Variants in PDE4D observed in about 807,000 individuals in gnomAD.
The protein encoded by PDE4D is phosphodiesterase 4D.
In PDE4D, 24 loss-of-function variants were observed where a neutral mutation model predicts 87.4. The observed-to-expected ratio is 0.27, with a 90% CI of 0.20 to 0.39. PDE4D has a LOEUF of 0.39. Among genes scored for constraint, PDE4D ranks in the 10% least tolerant of loss-of-function variants. PDE4D has a pLI of 1.00. For synonymous variants in PDE4D, 384 were observed against 383.2 expected (o/e 1.00, Z -0.02); for missense variants, 714 against 1,041.0 (o/e 0.69, Z 4.32).
intron 1 of PDE4D, among the ~76,000 whole-genome samples, chr5:59,835,470 A>G (rs189208576): frequency 2.4e-4 from 37 of 152,154 alleles, no homozygotes; most frequent in Middle Eastern, 3.4e-3. Context: ...ATATGTGAAC[A>G]TGCCTTATCA....
intron 1 of PDE4D, among the ~76,000 whole-genome samples, chr5:59,543,434 A>G (rs1377972875): frequency 6.6e-6 from 1 of 152,188 alleles, no homozygotes; most frequent in African/African-American, 2.4e-5. Context: ...TCTTTCACCA[A>G]TTAGTGAAAT....
In PDE4D at chr5:59,309,660, G is replaced by T. The variant is rs1186777507; in HGVS notation, c.456-93692C>A. Among the ~76,000 whole-genome samples, 4 of 152,202 alleles carry T rather than the reference G, an allele frequency of 2.6e-5. No homozygotes were observed. In the East Asian group the frequency reaches 7.7e-4, roughly 29 times the overall value. On this transcript the variant is annotated intron_variant, in intron 1 of 14. Coordinates refer to ENST00000340635, the MANE Select transcript of PDE4D (RefSeq NM_001104631.2). ...GTCTGCTTCCTTCAGAGGGTGTGTG[G>T]GTCCTCTCAAGGTTGCTGGTTTGTT...
intron 1 of PDE4D, among the ~76,000 whole-genome samples, chr5:59,821,290 A>C (rs1581257343): frequency 6.6e-6 from 1 of 152,172 alleles, no homozygotes; most frequent in African/African-American, 2.4e-5. Flanking sequence ...AAAAAGAAAT[A>C]GAAAATTAGG....
chr5:59,728,507 T>G (rs1030423674), intron 1 of PDE4D, among the ~76,000 whole-genome samples: 23 of 152,068 alleles, frequency 1.5e-4, no homozygotes, highest in Admixed American at 1.5e-3. Flanking sequence ...CAACTGAATA[T>G]GGTGGGGCAA....
intron 1 of PDE4D, among the ~76,000 whole-genome samples, chr5:59,443,368 C>T (rs1414353998): frequency 1.3e-5 from 2 of 152,280 alleles, no homozygotes; most frequent in East Asian, 3.9e-4. Context: ...AAATGTTATA[C>T]TCAAAGGCTT....
chr5:59,592,193 C>G, intron 1 of PDE4D: 1 of 945,924 alleles, frequency 1.1e-6, no homozygotes, highest in Non-Finnish European at 1.3e-6. Flanking sequence ...TTTATAACAC[C>G]AAAAACATTG....
At chr5:59,784,553 T>A (rs1335839608) in intron 1 of PDE4D, among the ~76,000 whole-genome samples, 1 of 152,216 alleles carries the variant, frequency 6.6e-6, no homozygotes, top group Non-Finnish European at 1.5e-5. Context: ...TTAATATTAG[T>A]ATTGAAAACA....
At chr5:59,523,320 T>C (rs1167072513) in intron 1 of PDE4D, among the ~76,000 whole-genome samples, 1 of 152,244 alleles carries the variant, frequency 6.6e-6, no homozygotes, top group African/African-American at 2.4e-5. Flanking sequence ...AACACAATTG[T>C]CAAATATCAG....
At chr5:59,238,552 T>C (rs755539705) in intron 1 of PDE4D, among the ~76,000 whole-genome samples, 1 of 152,184 alleles carries the variant, frequency 6.6e-6, no homozygotes, top group Non-Finnish European at 1.5e-5. Context: ...GATTACTATC[T>C]TTGATGCTGT....
chr5:60,441,437 C>CA (rs936059044), intron 1 of PDE4D, among the ~76,000 whole-genome samples: 1 of 151,862 alleles, frequency 6.6e-6, no homozygotes, highest in African/African-American at 2.4e-5. Flanking sequence ...AAAATTAATT[C>CA]AAAATGGATT....
chr5:59,950,011 C>T (rs1406564418), intron 3 of PDE4D, among the ~76,000 whole-genome samples: 3 of 152,304 alleles, frequency 2.0e-5, no homozygotes, highest in Non-Finnish European at 4.4e-5. Flanking sequence ...CCACTTCAAA[C>T]ATCAGAGTTA....
At chr5:59,299,973 G>A (rs1001764464) in intron 1 of PDE4D, among the ~76,000 whole-genome samples, 28 of 151,972 alleles carry the variant, frequency 1.8e-4, no homozygotes, top group African/African-American at 4.8e-4. Flanking sequence ...TTAGCCAGGC[G>A]TGGTGTCCCG....
At chr5:59,391,428 C>A (rs939245750) in intron 1 of PDE4D, among the ~76,000 whole-genome samples, 4 of 152,038 alleles carry the variant, frequency 2.6e-5, no homozygotes, top group Admixed American at 2.0e-4. Flanking sequence ...ACATTTAGAT[C>A]AAATTGACTT....
At chr5:60,339,382 C>A (rs894996027) in intron 1 of PDE4D, among the ~76,000 whole-genome samples, 2 of 152,122 alleles carry the variant, frequency 1.3e-5, no homozygotes, top group African/African-American at 4.8e-5. Context: ...CCAGGCGAGT[C>A]ACATGGACAG....
At chr5:59,941,394 A>T (rs1757165671) in intron 3 of PDE4D, among the ~76,000 whole-genome samples, 1 of 152,226 alleles carries the variant, frequency 6.6e-6, no homozygotes. Flanking sequence ...TTGAAGAAAT[A>T]GTTCGAAGTC....
chr5:59,100,748 A>G (rs577061301), intron 5 of PDE4D, among the ~76,000 whole-genome samples: 1 of 152,320 alleles, frequency 6.6e-6, no homozygotes, highest in South Asian at 2.1e-4. Flanking sequence ...TTCTAGATCC[A>G]CAGAAGCTAG....
At chr5:60,193,539 G>A (rs1218562690) in intron 1 of PDE4D, among the ~76,000 whole-genome samples, 1 of 150,922 alleles carries the variant, frequency 6.6e-6, no homozygotes, top group Non-Finnish European at 1.5e-5. Context: ...GCGAGGTGGC[G>A]GGCGCCTGTA....
chr5:59,666,207 G>A (rs185585251), intron 1 of PDE4D, among the ~76,000 whole-genome samples: 4 of 152,122 alleles, frequency 2.6e-5, no homozygotes, highest in Admixed American at 1.3e-4. Context: ...GTGATCCACC[G>A]GCCTCGGCCT....
At chr5:59,333,202 C>CA (rs1200024055) in intron 1 of PDE4D, among the ~76,000 whole-genome samples, 3 of 152,094 alleles carry the variant, frequency 2.0e-5, no homozygotes, top group Non-Finnish European at 4.4e-5. Context: ...CAAAAGGAGG[C>CA]AAAAGAGAAT....
Sources: allele counts gnomAD v4.1 joint callset (sites outside exome capture counted in the v4.1 genomes callset), GRCh38; gene constraint gnomAD v4.1.1; transcripts MANE v1.5; gene names NCBI Gene and HGNC (gene_info 2026-07-23, HGNC 2026-07-21).